The following LRP1B variants were observed in gnomAD, a reference collection of about 807,000 sequenced individuals.
LRP1B encodes the protein low-density lipoprotein receptor-related protein 1B.
In LRP1B, 217 loss-of-function variants were observed where a neutral mutation model predicts 556.6. The observed-to-expected ratio is 0.39, with a 90% CI of 0.35 to 0.44. The LOEUF (loss-of-function observed/expected upper bound fraction) is 0.44. LRP1B is among the 20% of genes least tolerant of loss of function. The pLI is 1.00. For synonymous variants in LRP1B, 2,047 were observed against 1,865.8 expected (o/e 1.10, Z -2.50); for missense variants, 5,053 against 5,620.8 (o/e 0.90, Z 3.23).
At chr2:141,171,638 G>A (rs113938283) in intron 7 of LRP1B, among the ~76,000 whole-genome samples, 2 of 152,040 alleles carry the variant, frequency 1.3e-5, no homozygotes, top group African/African-American at 4.8e-5. Flanking sequence ...AAACCTCCCA[G>A]CTTCAAGCCG....
Position 141,134,189 on chromosome 2 carries a change from C to G in LRP1B, c.1013+54232G>C, listed in dbSNP as rs747026281. Among the ~76,000 whole-genome samples, 126 of 151,778 alleles carry G rather than the reference C, an allele frequency of 8.3e-4. 1 individual carries two copies. The highest frequency in any genetic ancestry group is 1.5e-3 in the Non-Finnish European group (101 of 67,916). On this transcript the variant is annotated intron_variant, in intron 7 of 90. Transcript: ENST00000389484. ...AGTGATCCTCTGCTTGGCTCCTCAT[C>G]TACCATGACCTCTGTATCGTATCTA... is the stretch of plus-strand genomic sequence containing the variant.
At position 141,660,494 on chromosome 2, in the gene LRP1B, G is replaced by A. The variant is rs76106485; in HGVS notation, c.205+149785C>T. On this transcript the variant is annotated intron_variant, in intron 2 of 90. Coordinates refer to ENST00000389484, the MANE Select transcript of LRP1B (RefSeq NM_018557.3). ...CTGGCAGTTCCCCCCCGCTGGTGCC[G>A]CGGAAACTGGGCAGTTTGGACCCAG... Among the ~76,000 whole-genome samples, 322 of 152,162 alleles carry A rather than the reference G, an allele frequency of 2.1e-3. 1 individual carries two copies. The highest frequency in any genetic ancestry group is 7.5e-3 in the African/African-American group (311 of 41,530).
At chr2:140,236,568 C>T (rs140853412) in intron 89 of LRP1B, among the ~76,000 whole-genome samples, 207 of 150,852 alleles carry the variant, frequency 1.4e-3, no homozygotes, top group African/African-American at 4.6e-3. Context: ...AGTTGCCAAC[C>T]TCAGCTTATA....
At chr2:141,811,798 C>T (rs969317942) in intron 1 of LRP1B, among the ~76,000 whole-genome samples, 4 of 151,980 alleles carry the variant, frequency 2.6e-5, no homozygotes, top group South Asian at 2.1e-4. Flanking sequence ...GTAGAATCAA[C>T]GATGTAGAAG....
At chr2:141,592,542 TGG>T (rs1309396052) in intron 2 of LRP1B, among the ~76,000 whole-genome samples, 1 of 152,106 alleles carries the variant, frequency 6.6e-6, no homozygotes, top group Non-Finnish European at 1.5e-5. Flanking sequence ...TATATGAAGT[TGG>T]GGGACACAGA....
chr2:140,485,385 C>G lies in LRP1B; in HGVS notation c.9383G>C (p.Arg3128Thr), dbSNP rs1688422691. 1.9e-6 allele frequency: 3 copies of G among 1,612,454 alleles called. No homozygotes were observed. Among genetic ancestry groups the G allele is most frequent in the Non-Finnish European group, 2.5e-6 (3 of 1,179,414 alleles). ...GLYPTILVSKRLKFPRDLSLD... is the reference protein window; with the variant it reads ...GLYPTILVSKTLKFPRDLSLD... ...AGACAAGTCTCTGGGAAACTTCAGC[C>G]TTTTGCTAACGAGTATAGTAGGGTA... The change falls in exon 59 of 91, where the codon AGG (arginine) becomes ACG (threonine). Residue 3128 changes from arginine to threonine, a missense_variant. Physicochemically the swap from Arg to Thr is moderately conservative, Grantham distance 71. Transcript: ENST00000389484.
chr2:140,339,395 A>G (rs1235268453), intron 77 of LRP1B, among the ~76,000 whole-genome samples: 1 of 151,810 alleles, frequency 6.6e-6, no homozygotes, highest in Non-Finnish European at 1.5e-5. Context: ...AGTTAGCAAT[A>G]TACTTTAAGA....
chr2:141,288,033 T>C (rs1685786607), intron 3 of LRP1B, among the ~76,000 whole-genome samples: 1 of 152,148 alleles, frequency 6.6e-6, no homozygotes, highest in African/African-American at 2.4e-5. Flanking sequence ...GTATCTACTA[T>C]CCCAACTCCT....
chr2:141,153,525 T>A (rs1297308169), intron 7 of LRP1B, among the ~76,000 whole-genome samples: 1 of 129,316 alleles, frequency 7.7e-6, no homozygotes, highest in Non-Finnish European at 1.6e-5. Flanking sequence ...ATAAGCTATA[T>A]ATTTATATAT....
In LRP1B at chr2:141,345,448, C is replaced by A. The variant is rs150894849; in HGVS notation, c.344-90807G>T. Among the ~76,000 whole-genome samples the A allele has an allele frequency of 5.8e-3, 881 of 152,004 alleles. 3 individuals carry two copies. The highest frequency in any genetic ancestry group is 0.011 in the Admixed American group (172 of 15,244). ...TTCTATTTTCATTCCTCATGCTAGG[C>A]CTGAGACAACAACCTTTTCTTCTCC... On this transcript the variant is annotated intron_variant, in intron 3 of 90. Coordinates refer to ENST00000389484, the MANE Select transcript of LRP1B (RefSeq NM_018557.3).
At chr2:141,866,648 T>C (rs551305765) in intron 1 of LRP1B, among the ~76,000 whole-genome samples, 2 of 152,214 alleles carry the variant, frequency 1.3e-5, no homozygotes, top group African/African-American at 4.8e-5. Flanking sequence ...ACCGAGAACA[T>C]GTTTTTACTT....
chr2:141,421,523 T>A (rs10803484), intron 3 of LRP1B, among the ~76,000 whole-genome samples: 1 of 146,724 alleles, frequency 6.8e-6, no homozygotes, highest in African/African-American at 2.5e-5. Context: ...AGCGAGACTC[T>A]GTCTCAAAAA....
intron 31 of LRP1B, 79 bp downstream of exon 31, chr2:140,839,912 G>C (rs1268750695): frequency 2.2e-5 from 18 of 826,436 alleles, no homozygotes; most frequent in South Asian, 7.8e-5. Flanking sequence ...TTTTCTTTCA[G>C]GATCTAGATC....
intron 2 of LRP1B, among the ~76,000 whole-genome samples, chr2:141,630,561 A>G (rs1162329294): frequency 6.6e-6 from 1 of 152,226 alleles, no homozygotes; most frequent in African/African-American, 2.4e-5. Context: ...AATAGAATAC[A>G]ATTTAAAAGC....
chr2:141,439,370 T>A (rs1254502378), intron 3 of LRP1B, among the ~76,000 whole-genome samples: 1 of 152,060 alleles, frequency 6.6e-6, no homozygotes, highest in Admixed American at 6.6e-5. Flanking sequence ...ATGAATTTTT[T>A]TACAATTATG....
chr2:140,718,161 G>C (rs888321220), intron 35 of LRP1B, among the ~76,000 whole-genome samples: 6 of 151,874 alleles, frequency 4.0e-5, no homozygotes, highest in African/African-American at 1.5e-4. Context: ...TGTAGATAAA[G>C]CAATCTTGAT....
chr2:141,958,641 G>A (rs1701327571), intron 1 of LRP1B, among the ~76,000 whole-genome samples: 1 of 152,066 alleles, frequency 6.6e-6, no homozygotes, highest in Admixed American at 6.6e-5. Flanking sequence ...TAGAGCATGA[G>A]TTCTGTTTGT....
chr2:141,593,848 G>A (rs1384854519), intron 2 of LRP1B, among the ~76,000 whole-genome samples: 1 of 152,012 alleles, frequency 6.6e-6, no homozygotes, highest in African/African-American at 2.4e-5. Flanking sequence ...AGGCAGATAG[G>A]GACGTGTCCC....
chr2:140,344,763 TA>T (rs1681567055), intron 77 of LRP1B, among the ~76,000 whole-genome samples: 2 of 151,686 alleles, frequency 1.3e-5, no homozygotes, highest in African/African-American at 4.8e-5. Context: ...CATGTCGATA[TA>T]TGTTAAACCA....
Sources: gnomAD v4.1 joint callset for allele counts (sites outside exome capture counted in the v4.1 genomes callset) on GRCh38, gnomAD v4.1.1 for gene constraint, MANE v1.5 for transcripts, NCBI Gene and HGNC (gene_info 2026-07-23, HGNC 2026-07-21) for gene names.